The following CADM2 variants were observed in gnomAD, a reference collection of about 807,000 sequenced individuals.
CADM2 encodes cell adhesion molecule 2.
In CADM2, 12 loss-of-function variants were observed where a neutral mutation model predicts 49.8. The observed-to-expected ratio is 0.24, with a 90% confidence interval of 0.15 to 0.39. The LOEUF (loss-of-function observed/expected upper bound fraction) is 0.39, where lower values mean the gene tolerates loss of function less well. Ranked by LOEUF, CADM2 falls within the 10% of genes least tolerant of loss-of-function variation. The pLI is 1.00. For missense variants in CADM2, 378 were observed against 492.3 expected (o/e 0.77, Z 2.20); for synonymous variants, 214 against 175.4 (o/e 1.22, Z -1.74).
chr3:85,216,203 A>G (rs1320511940), intron 1 of CADM2, among the ~76,000 whole-genome samples: 1 of 151,042 alleles, frequency 6.6e-6, no homozygotes, highest in African/African-American at 2.4e-5. Flanking sequence ...AAAATTTCCT[A>G]AAATTATGAA....
intron 1 of CADM2, among the ~76,000 whole-genome samples, chr3:85,058,911 A>T (rs1162473618): frequency 1.3e-5 from 2 of 151,730 alleles, no homozygotes; most frequent in Admixed American, 1.3e-4. Flanking sequence ...ATATAGAATT[A>T]TATAGTATTC....
intron 1 of CADM2, among the ~76,000 whole-genome samples, chr3:85,513,716 G>A (rs2060830555): frequency 1.3e-5 from 2 of 152,038 alleles, no homozygotes; most frequent in South Asian, 2.1e-4. Context: ...CTTAATGTAA[G>A]CATTCTAGAC....
At chr3:85,000,822 T>A (rs535773628) in intron 1 of CADM2, among the ~76,000 whole-genome samples, 1 of 151,964 alleles carries the variant, frequency 6.6e-6, no homozygotes, top group Non-Finnish European at 1.5e-5. Context: ...TATGTGCCTA[T>A]GTATGTACAT....
At chr3:85,675,073 G>GACTT (rs2065853242) in intron 1 of CADM2, among the ~76,000 whole-genome samples, 1 of 152,010 alleles carries the variant, frequency 6.6e-6, no homozygotes, top group African/African-American at 2.4e-5. Flanking sequence ...GCTAACATTT[G>GACTT]ACTTATGCTC....
rs191601008 is a variant in CADM2 at position 85,156,290 on chromosome 3, A to T, written c.61+196622A>T. ...GACGCAATAAAAACTGATAAAGGGG[A>T]TATCACCACCGATCCCATAGAAATA... On this transcript the variant is annotated intron_variant, in intron 1 of 9. Coordinates refer to ENST00000383699, the MANE Select transcript of CADM2 (RefSeq NM_001167675.2). Among the ~76,000 whole-genome samples, 5 of 152,180 alleles carry T rather than the reference A, an allele frequency of 3.3e-5. No homozygotes were observed. In the East Asian group the frequency reaches 9.7e-4, roughly 29 times the overall value.
At chr3:85,296,701 T>C (rs2043973245) in intron 1 of CADM2, among the ~76,000 whole-genome samples, 2 of 152,082 alleles carry the variant, frequency 1.3e-5, no homozygotes. Flanking sequence ...CATTATTCCC[T>C]TTTATTTCTA....
chr3:85,482,063 T>C (rs1418123076), intron 1 of CADM2, among the ~76,000 whole-genome samples: 2 of 151,746 alleles, frequency 1.3e-5, no homozygotes, highest in Non-Finnish European at 2.9e-5. Flanking sequence ...ATTATAATAA[T>C]ACATATTAAG....
intron 1 of CADM2, among the ~76,000 whole-genome samples, chr3:85,362,529 AT>A (rs976411706): frequency 2.6e-5 from 4 of 152,214 alleles, no homozygotes; most frequent in African/African-American, 9.6e-5. Context: ...CACTCTTTTC[AT>A]TAAAGTGACA....
intron 1 of CADM2, among the ~76,000 whole-genome samples, chr3:85,446,081 G>A (rs1347710660): frequency 6.6e-6 from 1 of 151,946 alleles, no homozygotes; most frequent in Non-Finnish European, 1.5e-5. Context: ...ATTCTACCCT[G>A]TGGTATCATT....
intron 2 of CADM2, among the ~76,000 whole-genome samples, chr3:85,776,336 T>C (rs1448552018): frequency 6.8e-6 from 1 of 146,160 alleles, no homozygotes; most frequent in Non-Finnish European, 1.5e-5. Context: ...CAAACTCTCT[T>C]ACACACACAC....
intron 8 of CADM2, among the ~76,000 whole-genome samples, chr3:85,990,219 C>A (rs532735773): frequency 2.0e-5 from 3 of 152,034 alleles, no homozygotes; most frequent in Non-Finnish European, 2.9e-5. Flanking sequence ...AGTACCAATA[C>A]AACCATTTTG....
At chr3:85,811,492 C>T (rs929497608) in intron 3 of CADM2, among the ~76,000 whole-genome samples, 5 of 152,110 alleles carry the variant, frequency 3.3e-5, no homozygotes, top group African/African-American at 1.2e-4. Context: ...TTGCAGTTAT[C>T]GCAGCTCACT....
chr3:85,975,226 G>A (rs4287911), intron 8 of CADM2, among the ~76,000 whole-genome samples: 105,535 of 151,050 alleles, frequency 0.7, 38,546 homozygotes, highest in African/African-American at 0.93. Context: ...ACCATGATAT[G>A]TGGTATTTAG....
chr3:85,143,581 T>A (rs1188518546), intron 1 of CADM2, among the ~76,000 whole-genome samples: 1 of 152,226 alleles, frequency 6.6e-6, no homozygotes, highest in African/African-American at 2.4e-5. Context: ...TTGTTAATTG[T>A]ATGCTACAAA....
intron 1 of CADM2, among the ~76,000 whole-genome samples, chr3:85,517,525 C>T (rs2060932838): frequency 6.6e-6 from 1 of 152,072 alleles, no homozygotes; most frequent in Non-Finnish European, 1.5e-5. Context: ...TTTCAGGAAT[C>T]TTAGGCTGTC....
intron 1 of CADM2, among the ~76,000 whole-genome samples, chr3:85,154,255 G>C (rs896782122): frequency 6.6e-6 from 1 of 152,280 alleles, no homozygotes; most frequent in Non-Finnish European, 1.5e-5. Context: ...GGAGCTGATG[G>C]AGCTGAAAAC....
intron 1 of CADM2, among the ~76,000 whole-genome samples, chr3:85,137,011 T>A (rs77128392): frequency 0.011 from 1,602 of 152,040 alleles, 19 homozygotes; most frequent in Non-Finnish European, 0.018. Context: ...AATATAAAGA[T>A]ATTTTTCCTT....
chr3:85,650,996 C>T (rs1221840265), intron 1 of CADM2, among the ~76,000 whole-genome samples: 2 of 149,652 alleles, frequency 1.3e-5, no homozygotes, highest in Admixed American at 6.7e-5. Flanking sequence ...CCATTTTCCG[C>T]ACCCCCAAAA....
chr3:85,841,369 A>G (rs2074631352), intron 3 of CADM2, among the ~76,000 whole-genome samples: 1 of 151,914 alleles, frequency 6.6e-6, no homozygotes, highest in South Asian at 2.1e-4. Flanking sequence ...ACCTTGCTTA[A>G]AAAAGATGAA....
Sources: allele counts gnomAD v4.1 joint callset (sites outside exome capture counted in the v4.1 genomes callset), GRCh38; gene constraint gnomAD v4.1.1; transcripts MANE v1.5; gene names NCBI Gene and HGNC (gene_info 2026-07-23, HGNC 2026-07-21).